Variants in LRP1B observed in about 807,000 individuals in gnomAD.
LRP1B encodes LDL receptor related protein 1B.
A neutral mutation model predicts 556.6 loss-of-function variants in LRP1B; 217 were observed. That is an observed-to-expected ratio of 0.39 (90% CI 0.35 to 0.44). The LOEUF (loss-of-function observed/expected upper bound fraction) is 0.44. LRP1B is among the 20% of genes least tolerant of loss of function. The probability of loss-of-function intolerance (pLI) is 1.00; values close to 1 mark genes in which losing one functional copy is unlikely to be tolerated. For synonymous variants in LRP1B, 2,047 were observed against 1,865.8 expected (o/e 1.10, Z -2.50); for missense variants, 5,053 against 5,620.8 (o/e 0.90, Z 3.23).
At chr2:141,364,648 T>C (rs1688953749) in intron 3 of LRP1B, among the ~76,000 whole-genome samples, 1 of 152,194 alleles carries the variant, frequency 6.6e-6, no homozygotes, top group Non-Finnish European at 1.5e-5. Context: ...ACTTTATAAA[T>C]TCTATATCCC....
At chr2:141,005,299 C>T (rs769938662) in intron 15 of LRP1B, 36 bp downstream of exon 15, 19 of 1,600,008 alleles carry the variant, frequency 1.2e-5, no homozygotes, top group Admixed American at 5.1e-5. Context: ...AGAAAGAGCC[C>T]GATAAACAAA....
chr2:141,189,703 C>A (rs1574172591), intron 6 of LRP1B, among the ~76,000 whole-genome samples: 1 of 151,944 alleles, frequency 6.6e-6, no homozygotes, highest in Non-Finnish European at 1.5e-5. Flanking sequence ...CCAAATTTAA[C>A]AAGTGACTAC....
chr2:140,613,267 T>C (rs1460059003), intron 41 of LRP1B, among the ~76,000 whole-genome samples: 1 of 144,134 alleles, frequency 6.9e-6, no homozygotes, highest in Non-Finnish European at 1.5e-5. Flanking sequence ...TTATGTTATA[T>C]ATAATTATAT....
intron 67 of LRP1B, among the ~76,000 whole-genome samples, 192 bp from the exon 68 acceptor site, chr2:140,378,478 A>G (rs902234008): frequency 6.6e-6 from 1 of 152,206 alleles, no homozygotes; most frequent in South Asian, 2.1e-4. Flanking sequence ...ATTTATTTTT[A>G]AAGTCATAAG....
chr2:141,681,071 T>G (rs1444462854), intron 2 of LRP1B, among the ~76,000 whole-genome samples: 1 of 152,060 alleles, frequency 6.6e-6, no homozygotes, highest in African/African-American at 2.4e-5. Context: ...GTGGGTAGAT[T>G]GCTTGAGCTC....
chr2:140,910,095 C>CAAAAAA (rs1559189027), intron 21 of LRP1B, among the ~76,000 whole-genome samples: 1 of 31,628 alleles, frequency 3.2e-5, no homozygotes, highest in African/African-American at 1.1e-4. Flanking sequence ...CAGAATCTTA[C>CAAAAAA]CAAAACAAAA....
chr2:140,851,900 C>T lies in LRP1B; in HGVS notation c.4580-117G>A, dbSNP rs575239659. ...AAAGTAAAGTTTCCTACATAGAACC[C>T]ATTAGTAGGGTGATTAATATGACAA... is the stretch of plus-strand genomic sequence containing the variant. On this transcript the variant is annotated intron_variant, in intron 27 of 90. Transcript: ENST00000389484. The T allele has an allele frequency of 4.4e-4, 331 of 758,272 alleles. 1 individual carries two copies. The African/African-American group carries it at 5.7e-3, about 13-fold the overall frequency. 47.0% of individuals were successfully genotyped at this position (758,272 alleles called of 1,614,324 possible).
intron 31 of LRP1B, among the ~76,000 whole-genome samples, chr2:140,833,011 T>C (rs1691769925): frequency 1.3e-5 from 2 of 152,196 alleles, no homozygotes. Flanking sequence ...TGCATTATCA[T>C]TATATATCAG....
At chr2:140,989,499 G>A (rs2105352538) in intron 17 of LRP1B, 33 bp downstream of exon 17, 3 of 1,609,866 alleles carry the variant, frequency 1.9e-6, no homozygotes, top group Non-Finnish European at 1.7e-6. Flanking sequence ...AACTTTGGAG[G>A]AGATTTACGT....
intron 3 of LRP1B, among the ~76,000 whole-genome samples, chr2:141,328,456 C>T (rs184783224): frequency 0.021 from 3,190 of 152,264 alleles, 57 homozygotes; most frequent in Non-Finnish European, 0.034. Flanking sequence ...TCCTCATGCT[C>T]AATCCTTCCA....
chr2:141,629,447 A>C (rs909499676), intron 2 of LRP1B, among the ~76,000 whole-genome samples: 26 of 152,306 alleles, frequency 1.7e-4, no homozygotes, highest in African/African-American at 6.3e-4. Context: ...TTAAGTATTA[A>C]ACTCTTGAGG....
chr2:140,271,904 T>C (rs1335015040), intron 85 of LRP1B, among the ~76,000 whole-genome samples: 2 of 133,324 alleles, frequency 1.5e-5, no homozygotes, highest in Non-Finnish European at 3.2e-5. Context: ...GTCAAAAAAT[T>C]ATAGTTTCTT....
intron 7 of LRP1B, among the ~76,000 whole-genome samples, chr2:141,063,747 T>C (rs1044402580): frequency 2.6e-5 from 4 of 151,942 alleles, no homozygotes; most frequent in African/African-American, 9.7e-5. Context: ...TCTTTCTTAC[T>C]ATAGAACAGT....
intron 2 of LRP1B, among the ~76,000 whole-genome samples, chr2:141,501,637 C>G (rs1000402104): frequency 6.6e-6 from 1 of 152,134 alleles, no homozygotes; most frequent in Non-Finnish European, 1.5e-5. Flanking sequence ...GCCTTGAGAT[C>G]AGTGGTAAGC....
At chr2:141,368,164 A>C (rs1033316) in intron 3 of LRP1B, among the ~76,000 whole-genome samples, 14,588 of 152,256 alleles carry the variant, frequency 0.096, 854 homozygotes, top group Admixed American at 0.17. Context: ...TGTAATATAA[A>C]ATTCAGTGGA....
chr2:140,591,744 C>T (rs1682235779), intron 43 of LRP1B, among the ~76,000 whole-genome samples: 1 of 152,156 alleles, frequency 6.6e-6, no homozygotes, highest in Non-Finnish European at 1.5e-5. Context: ...AAGATGAAAA[C>T]CTGCTTATAA....
At chr2:140,702,660 A>T (rs2105431664) in intron 37 of LRP1B, 107 bp from the exon 38 acceptor site, 1 of 964,180 alleles carries the variant, frequency 1.0e-6, no homozygotes, top group Non-Finnish European at 1.6e-6. Flanking sequence ...ACACTAGAAT[A>T]AAAATAATAC....
At chr2:140,488,487 G>T (rs1688568446) in intron 57 of LRP1B, among the ~76,000 whole-genome samples, 1 of 151,950 alleles carries the variant, frequency 6.6e-6, no homozygotes, top group Non-Finnish European at 1.5e-5. Flanking sequence ...TGGGTTTCTG[G>T]ATGCTACAGC....
chr2:140,645,294 T>C (rs1684439531), intron 41 of LRP1B, among the ~76,000 whole-genome samples: 1 of 152,058 alleles, frequency 6.6e-6, no homozygotes, highest in South Asian at 2.1e-4. Flanking sequence ...ATTTATTATA[T>C]ATGAATATGT....
Sources: allele counts gnomAD v4.1 joint callset (sites outside exome capture counted in the v4.1 genomes callset), GRCh38; gene constraint gnomAD v4.1.1; transcripts MANE v1.5; gene names NCBI Gene and HGNC (gene_info 2026-07-23, HGNC 2026-07-21).